Variants in PYROXD1 observed in about 807,000 individuals in gnomAD.
PYROXD1 encodes pyridine nucleotide-disulphide oxidoreductase domain 1, also known as tRNA ligase complex-associated NAD(P)H dehydrogenase PYROXD1.
Under a neutral mutation model 62.0 loss-of-function variants are expected in PYROXD1, and 42 were observed. The ratio of observed to expected loss-of-function variants is 0.68; its 90% confidence interval spans 0.53 to 0.88. PYROXD1 has a LOEUF of 0.88. Ranked by LOEUF, PYROXD1 falls within the 40% of genes least tolerant of loss-of-function variation. The pLI, the probability that PYROXD1 is intolerant of heterozygous loss-of-function variation, is 0.00. For missense variants in PYROXD1, 493 were observed against 604.8 expected (o/e 0.82, Z 1.94); for synonymous variants, 170 against 206.4 (o/e 0.82, Z 1.51).
chr12:21,456,427 T>G lies in PYROXD1; in HGVS notation c.750+332T>G, dbSNP rs188039802. 2.5e-3 allele frequency among the ~76,000 whole-genome samples: 387 copies of G among 152,310 alleles called. 1 individual carries two copies. Among genetic ancestry groups the G allele is most frequent in the African/African-American group, 8.5e-3 (354 of 41,558 alleles). ...ACCACAATAAAGTGAGCCACACGAATTTTTCAGTTTCCCAGTGCCTGCAAA... is the reference window on the plus strand; with the variant it reads ...ACCACAATAAAGTGAGCCACACGAAGTTTTCAGTTTCCCAGTGCCTGCAAA... On this transcript the variant is annotated intron_variant, in intron 7 of 11. Coordinates refer to ENST00000240651, the MANE Select transcript of PYROXD1 (RefSeq NM_024854.5).
chr12:21,462,981 C>CAA, intron 10 of PYROXD1, 119 bp downstream of exon 10: 2 of 916,562 alleles, frequency 2.2e-6, no homozygotes, highest in South Asian at 2.0e-5. Context: ...AGGAAGCTAG[C>CAA]ACAGTTGTTA....
chr12:21,457,114 G>T, intron 7 of PYROXD1: 1 of 277,498 alleles, frequency 3.6e-6, no homozygotes, highest in Non-Finnish European at 7.1e-6. Flanking sequence ...TCAAGCTTTT[G>T]TTAATGTTGA....
intron 7 of PYROXD1, among the ~76,000 whole-genome samples, chr12:21,458,538 G>A (rs12423128): frequency 0.49 from 74,903 of 152,042 alleles, 18,512 homozygotes; most frequent in Middle Eastern, 0.59. Context: ...CTTTCCATGT[G>A]CCTTCCTCAA....
chr12:21,448,058 A>G lies in PYROXD1; in HGVS notation c.286-1505A>G, dbSNP rs1942425932. The G allele has an allele frequency of 3.6e-6, 2 of 553,384 alleles. 1 individual carries two copies. The highest frequency in any genetic ancestry group is 3.9e-5 in the African/African-American group (2 of 51,940). 34.3% of individuals were successfully genotyped at this position (553,384 alleles called of 1,614,324 possible). On this transcript the variant is annotated intron_variant, in intron 3 of 11. Coordinates refer to ENST00000240651, the MANE Select transcript of PYROXD1 (RefSeq NM_024854.5). ...CTCTAAAATTGACCTCATTGGTTTC[A>G]TTCTCAGCAAACTGAGCTGGGCCAC...
chr12:21,465,586 G>A (rs1157635378), intron 10 of PYROXD1, among the ~76,000 whole-genome samples: 1 of 151,806 alleles, frequency 6.6e-6, no homozygotes, highest in African/African-American at 2.4e-5. Flanking sequence ...GGACGAGTAG[G>A]TTGCAAAAAT....
At position 21,461,158 on chromosome 12, in the gene PYROXD1, A is replaced by G; in HGVS notation, c.880+4A>G. ...AAGTCAGTTACAGCTGATACAGGCA[A>G]GTAATGAAATAAGAAAAAATATATA... On this transcript the variant is annotated splice_donor_region_variant and intron_variant, in intron 8 of 11. Coordinates refer to ENST00000240651, the MANE Select transcript of PYROXD1 (RefSeq NM_024854.5). 1 of 1,499,314 alleles carries G rather than the reference A, an allele frequency of 6.7e-7. No homozygotes were observed. 92.9% of individuals were successfully genotyped at this position (1,499,314 alleles called of 1,614,324 possible).
chr12:21,455,956 A>C, intron 6 of PYROXD1, 39 bp from the exon 7 acceptor site: 6 of 1,313,508 alleles, frequency 4.6e-6, no homozygotes, highest in Non-Finnish European at 6.5e-6. Flanking sequence ...ATATTTCTCT[A>C]TCTGGTAATT....
At chr12:21,449,136 T>C (rs1363186324) in intron 3 of PYROXD1, among the ~76,000 whole-genome samples, 2 of 152,158 alleles carry the variant, frequency 1.3e-5, no homozygotes, top group African/African-American at 4.8e-5. Context: ...TACAGTAACT[T>C]CCCTTGAGAT....
chr12:21,448,226 G>C (rs1023931151), intron 3 of PYROXD1: 3 of 527,628 alleles, frequency 5.7e-6, no homozygotes, highest in African/African-American at 3.9e-5. Flanking sequence ...CATCCATTTT[G>C]TTCTTATGAA....
chr12:21,449,632 A>G lies in PYROXD1; in HGVS notation c.355A>G (p.Lys119Glu). The G allele has an allele frequency of 1.9e-6, 3 of 1,613,216 alleles. No individual in the cohort carries two copies. The highest frequency in any genetic ancestry group is 2.5e-6 in the Non-Finnish European group (3 of 1,179,348). Residue 119 changes from lysine to glutamate, a missense_variant, in exon 4 of 12, where the codon AAG becomes GAG. This residue lies in a region of PYROXD1 where 164 missense variants were observed against 158.2 expected (regional missense o/e 1.04). Coordinates refer to ENST00000240651, the MANE Select transcript of PYROXD1 (RefSeq NM_024854.5). ...CTGTCTGTGTGCTGGAGCTAAACCA[A>G]AGTTGATATGTGAAGGAAATCCTTA... is the stretch of plus-strand genomic sequence containing the variant. ...KLCLCAGAKPKLICEGNPYVL... is the reference protein window; with the variant it reads ...KLCLCAGAKPELICEGNPYVL...
In PYROXD1 at chr12:21,471,022, C is replaced by T; in HGVS notation, c.*2268C>T. On this transcript the variant is annotated 3_prime_UTR_variant, in exon 12 of 12. Transcript: ENST00000240651. ...ACTTGCATAGTAATAGCATGTGCCT[C>T]ATTGTTCAGAAGATTAGCTTTAGGT... 1 of 1,598,618 alleles carries T rather than the reference C, an allele frequency of 6.3e-7. No homozygotes were observed. The highest frequency in any genetic ancestry group is 8.5e-7 in the Non-Finnish European group (1 of 1,173,998).
rs749705356 is a variant in PYROXD1, at chr12:21,458,854, CTAA to C, written c.751-2166_751-2164del. Among the ~76,000 whole-genome samples the C allele has an allele frequency of 7.7e-4, 117 of 152,238 alleles. 1 individual carries two copies. Among genetic ancestry groups the C allele is most frequent in the Non-Finnish European group, 1.3e-3 (87 of 68,022 alleles). ...CTAATCACAGATCACCATAAAAGAT[CTAA>C]TAATGATGAAAACTGAAATATTGCA... is the stretch of plus-strand genomic sequence containing the variant. On this transcript the variant is annotated intron_variant, in intron 7 of 11. Transcript: ENST00000240651.
chr12:21,470,294 T>C lies in PYROXD1; in HGVS notation c.*1540T>C, dbSNP rs1387143625. 3.7e-6 allele frequency: 6 copies of C among 1,605,010 alleles called. No homozygotes were observed. Among genetic ancestry groups the C allele is most frequent in the Middle Eastern group, 1.7e-4 (1 of 6,040 alleles). ...CTTCTGGAAGTTGCCTGAATTTTTT[T>C]CCTCCATCTTTTTATCACCTTGTTC... On this transcript the variant is annotated 3_prime_UTR_variant, in exon 12 of 12. Transcript: ENST00000240651.
At chr12:21,460,672 G>A (rs942000044) in intron 7 of PYROXD1, among the ~76,000 whole-genome samples, 1 of 152,040 alleles carries the variant, frequency 6.6e-6, no homozygotes, top group Admixed American at 6.6e-5. Flanking sequence ...ATCCACCTGC[G>A]CCTCGGCCTC....
Position 21,467,592 on chromosome 12 carries a change from C to G in PYROXD1, c.1228C>G (p.His410Asp), listed in dbSNP as rs752399868. 1 of 1,611,228 alleles carries G rather than the reference C, an allele frequency of 6.2e-7. No individual in the cohort carries two copies. Among genetic ancestry groups the G allele is most frequent in the Non-Finnish European group, 8.5e-7 (1 of 1,178,592 alleles). ...GGATTTCAGCTTTGAACTGTTTGCT[C>G]ATGTGACAAAATTTTTTAACTATAA... is the stretch of plus-strand genomic sequence containing the variant. ...DMDFSFELFA[H>D]VTKFFNYKVV... Residue 410 changes from histidine (H) to aspartate (D), a missense_variant, in exon 11 of 12, where the codon CAT (histidine) becomes GAT (aspartate). By Grantham distance (81) the His-to-Asp change is moderately conservative. Around this residue, in one of 2 missense-constraint regions of PYROXD1, gnomAD observed 329 missense variants for 446.6 expected, o/e 0.74. Transcript: ENST00000240651.
Position 21,470,696 on chromosome 12 carries a change from G to A in PYROXD1, c.*1942G>A, listed in dbSNP as rs181546475. 150 of 315,580 alleles carry A rather than the reference G, an allele frequency of 4.8e-4. No individual in the cohort carries two copies. Among genetic ancestry groups the A allele is most frequent in the Middle Eastern group, 2.7e-3 (3 of 1,130 alleles). 19.5% of individuals were successfully genotyped at this position (315,580 alleles called of 1,614,324 possible). A position where few individuals can be genotyped will look rare whatever the true frequency, so the allele number is the denominator to read the frequency against. ...ACTATTAGTAATCACAACCAAATAAGAGCAGAGTGCATAACAAAATTAGAT... is the reference window on the plus strand; with the variant it reads ...ACTATTAGTAATCACAACCAAATAAAAGCAGAGTGCATAACAAAATTAGAT... On this transcript the variant is annotated 3_prime_UTR_variant, in exon 12 of 12. Transcript: ENST00000240651.
Position 21,462,109 on chromosome 12 carries a change from C to T in PYROXD1, c.982C>T (p.His328Tyr), listed in dbSNP as rs1422311386. ...GVTPNVEPFL[H>Y]GNSFDLGEDG... Reference sequence around the variant, plus strand: ...TACACCAAATGTAGAACCTTTTCTCCATGGTAACAGTGTAAGGTGAAATTT... The same window carrying T: ...TACACCAAATGTAGAACCTTTTCTCTATGGTAACAGTGTAAGGTGAAATTT... The change falls in exon 9 of 12, where the codon CAT (histidine) becomes TAT (tyrosine). Residue 328 changes from histidine to tyrosine, a missense_variant. Physicochemically the swap from His to Tyr is moderately conservative, Grantham distance 83 (BLOSUM62 2). Transcript: ENST00000240651. 1 of 1,605,956 alleles carries T rather than the reference C, an allele frequency of 6.2e-7. No individual in the cohort carries two copies. The highest frequency in any genetic ancestry group is 2.2e-5 in the East Asian group (1 of 44,798).
Position 21,469,672 on chromosome 12 carries a change from A to G in PYROXD1, c.*918A>G, listed in dbSNP as rs1424805424. The G allele has an allele frequency of 1.4e-5, 2 of 146,916 alleles. No homozygotes were observed. The highest frequency in any genetic ancestry group is 4.1e-4 in the East Asian group (2 of 4,860). The allele number at this position is 146,916 out of a possible 1,614,324, so 9.1% of individuals were successfully genotyped here. A position where few individuals can be genotyped will look rare whatever the true frequency, so the allele number is the denominator to read the frequency against. ...TTTTTGTAAACTTTCTTAAAACATG[A>G]GATTTTTCTTGCAATTTTTTTTTTA... On this transcript the variant is annotated 3_prime_UTR_variant, in exon 12 of 12. Transcript: ENST00000240651.
chr12:21,453,102 A>T (rs1175863455), intron 5 of PYROXD1, among the ~76,000 whole-genome samples: 2 of 152,096 alleles, frequency 1.3e-5, no homozygotes, highest in Non-Finnish European at 2.9e-5. Flanking sequence ...GATTTATTGT[A>T]AATGGGGCTT....
Sources: gnomAD v4.1 joint callset for allele counts (sites outside exome capture counted in the v4.1 genomes callset) on GRCh38, gnomAD v4.1.1 for gene constraint, gnomAD v4.1.1 regional missense constraint, MANE v1.5 for transcripts, NCBI Gene and HGNC (gene_info 2026-07-23, HGNC 2026-07-21) for gene names.